Variants in CLIP1 observed in about 807,000 individuals in gnomAD.
CLIP1 encodes the protein CAP-Gly domain-containing linker protein 1.
In CLIP1, 66 loss-of-function variants were observed where a neutral mutation model predicts 161.6. The observed-to-expected ratio is 0.41, with a 90% CI of 0.33 to 0.50. The LOEUF is 0.50. CLIP1 is among the 20% of genes least tolerant of loss of function. CLIP1 has a pLI of 0.27. For synonymous variants in CLIP1, 598 were observed against 626.2 expected (o/e 0.96, Z 0.67); for missense variants, 1,376 against 1,702.0 (o/e 0.81, Z 3.37).
intron 8 of CLIP1, 150 bp downstream of exon 8, chr12:122,352,576 G>T: frequency 3.0e-6 from 2 of 671,014 alleles, no homozygotes; most frequent in Non-Finnish European, 5.4e-6. Context: ...TCAAGTACCG[G>T]CACCGTCACC....
chr12:122,294,721 G>A (rs180774115), intron 20 of CLIP1, among the ~76,000 whole-genome samples: 53 of 152,180 alleles, frequency 3.5e-4, no homozygotes, highest in African/African-American at 1.1e-3. Flanking sequence ...CTGGGTGACA[G>A]AGTGAGACCC....
chr12:122,307,717 A>C (rs1950924440), intron 20 of CLIP1, among the ~76,000 whole-genome samples: 1 of 152,214 alleles, frequency 6.6e-6, no homozygotes, highest in Admixed American at 6.5e-5. Context: ...CCGATGAATT[A>C]ATCGGTCTTC....
intron 25 of CLIP1, among the ~76,000 whole-genome samples, 186 bp from the exon 26 acceptor site, chr12:122,273,286 C>T (rs193289246): frequency 3.1e-4 from 47 of 152,274 alleles, no homozygotes; most frequent in Admixed American, 2.7e-3. Flanking sequence ...GTCTCAGACT[C>T]TCACCCAGGC....
chr12:122,302,833 G>A (rs775287293), intron 20 of CLIP1, among the ~76,000 whole-genome samples: 1 of 152,192 alleles, frequency 6.6e-6, no homozygotes, highest in African/African-American at 2.4e-5. Flanking sequence ...CTGACCTCAA[G>A]TGATCTGCCC....
intron 2 of CLIP1, among the ~76,000 whole-genome samples, chr12:122,378,615 G>A (rs1954855580): frequency 1.3e-5 from 2 of 152,124 alleles, no homozygotes; most frequent in African/African-American, 2.4e-5. Context: ...TGCTACACCC[G>A]CCACCCTGCA....
intron 20 of CLIP1, among the ~76,000 whole-genome samples, chr12:122,302,876 CT>C (rs1203596233): frequency 6.6e-6 from 1 of 152,176 alleles, no homozygotes; most frequent in East Asian, 1.9e-4. Context: ...GAATTACAGG[CT>C]TGAGCCACCG....
chr12:122,406,968 T>G (rs1396453089), intron 1 of CLIP1, among the ~76,000 whole-genome samples: 3 of 151,964 alleles, frequency 2.0e-5, no homozygotes, highest in Non-Finnish European at 4.4e-5. Context: ...CATGGAAAGC[T>G]GAATAATTTG....
intron 11 of CLIP1, among the ~76,000 whole-genome samples, chr12:122,338,758 A>G (rs1295383409): frequency 6.6e-6 from 1 of 152,182 alleles, no homozygotes; most frequent in Non-Finnish European, 1.5e-5. Flanking sequence ...ACTGGACAAT[A>G]GTCATTAGAA....
intron 5 of CLIP1, among the ~76,000 whole-genome samples, chr12:122,359,060 AAAAAAAT>A (rs1275530293): frequency 1.3e-5 from 2 of 152,188 alleles, no homozygotes; most frequent in Admixed American, 1.3e-4. Context: ...ACTCCATCTC[AAAAAAAT>A]AAAAAATAAA....
intron 7 of CLIP1, 98 bp from the exon 8 acceptor site, chr12:122,352,884 T>C (rs1285501233): frequency 1.0e-6 from 1 of 1,001,292 alleles, no homozygotes; most frequent in South Asian, 1.3e-5. Flanking sequence ...TTGGGCATGG[T>C]AGGCCACTCC....
At chr12:122,291,184 C>T (rs928674456) in intron 20 of CLIP1, among the ~76,000 whole-genome samples, 14 of 150,784 alleles carry the variant, frequency 9.3e-5, no homozygotes, top group African/African-American at 3.4e-4. Flanking sequence ...TCAGCTTCTG[C>T]GCCCGACCCT....
At chr12:122,405,614 C>T (rs1956302837) in intron 1 of CLIP1, among the ~76,000 whole-genome samples, 2 of 151,586 alleles carry the variant, frequency 1.3e-5, no homozygotes. Context: ...CATGGCAAAA[C>T]CCCATCTTTA....
chr12:122,362,516 C>CTG (rs1490572434), intron 4 of CLIP1, among the ~76,000 whole-genome samples: 1 of 150,682 alleles, frequency 6.6e-6, no homozygotes, highest in East Asian at 2.0e-4. Flanking sequence ...TGGTGTGTGT[C>CTG]TGTAATCCCA....
chr12:122,404,386 T>C (rs1161204485), intron 1 of CLIP1, among the ~76,000 whole-genome samples: 1 of 151,070 alleles, frequency 6.6e-6, no homozygotes, highest in Admixed American at 6.6e-5. Context: ...CACTTGAGGC[T>C]AGGAGTTCGA....
chr12:122,377,370 A>C lies in CLIP1; in HGVS notation c.657+19T>G, dbSNP rs1273516681. On this transcript the variant is annotated intron_variant, in intron 3 of 25. Transcript: ENST00000620786. ...TATCTCAGTTCAATGAAATGACCTC[A>C]GAATGTTTCTCTACTCACCAATACT... The C allele has an allele frequency of 6.3e-7, 1 of 1,595,186 alleles. No individual in the cohort carries two copies. The highest frequency in any genetic ancestry group is 8.6e-7 in the Non-Finnish European group (1 of 1,167,970).
At chr12:122,321,841 CT>C (rs1316446307) in intron 17 of CLIP1, among the ~76,000 whole-genome samples, 6 of 152,290 alleles carry the variant, frequency 3.9e-5, no homozygotes, top group Non-Finnish European at 5.9e-5. Context: ...TGCTCTTAAG[CT>C]TTTTCATAAA....
chr12:122,322,316 T>C (rs1369755579), intron 17 of CLIP1: 1 of 152,670 alleles, frequency 6.6e-6, no homozygotes, highest in Admixed American at 6.5e-5. Flanking sequence ...CTCATCCTTT[T>C]CCAGCATCAT....
At chr12:122,301,431 G>A (rs1211690557) in intron 20 of CLIP1, among the ~76,000 whole-genome samples, 2 of 152,198 alleles carry the variant, frequency 1.3e-5, no homozygotes, top group Non-Finnish European at 2.9e-5. Flanking sequence ...AGTACTTTGG[G>A]AGGCCGAGGC....
chr12:122,370,739 G>A (rs1010263552), intron 3 of CLIP1, among the ~76,000 whole-genome samples: 7 of 152,002 alleles, frequency 4.6e-5, no homozygotes, highest in Admixed American at 1.3e-4. Flanking sequence ...TTTATGTCTC[G>A]GAACTACTTA....
Sources: gnomAD v4.1 joint callset for allele counts (sites outside exome capture counted in the v4.1 genomes callset) on GRCh38, gnomAD v4.1.1 for gene constraint, MANE v1.5 for transcripts, NCBI Gene and HGNC (gene_info 2026-07-23, HGNC 2026-07-21) for gene names.